The following RAB31 variants were observed in gnomAD, a reference collection of about 807,000 sequenced individuals.
The protein encoded by RAB31 is RAB31, member RAS oncogene family, also known as ras-related protein Rab-31.
Under a neutral mutation model 25.6 loss-of-function variants are expected in RAB31, and 21 were observed. The observed-to-expected ratio is 0.82, with a 90% CI of 0.58 to 1.18. RAB31 has a LOEUF of 1.18. Among genes scored for constraint, RAB31 ranks in the 50% most tolerant of loss-of-function variants. The pLI, the probability that RAB31 is intolerant of heterozygous loss-of-function variation, is 0.00. For missense variants in RAB31, 196 were observed against 250.1 expected, an observed-to-expected ratio of 0.78 and a Z score of 1.46; for synonymous variants, 87 against 84.0, an observed-to-expected ratio of 1.04 and a Z score of -0.20.
rs377190443 is a variant in RAB31 at position 9,724,174 on chromosome 18, G to A, written c.39+15730G>A. Among the ~76,000 whole-genome samples, 36 of 145,238 alleles carry A rather than the reference G, an allele frequency of 2.5e-4. No individual in the cohort carries two copies. In the South Asian group the frequency reaches 7.6e-3, roughly 31 times the overall value. On this transcript the variant is annotated intron_variant, in intron 1 of 6. Transcript: ENST00000578921. The stretch of plus-strand genomic sequence containing the variant: ...TAGTCCCAGCTACTTGGGAGGCTGA[G>A]GCAGGAGAATGGCGTGAACCCGGGA...
intron 3 of RAB31, among the ~76,000 whole-genome samples, chr18:9,813,791 G>T (rs1437041239): frequency 6.6e-6 from 1 of 152,118 alleles, no homozygotes; most frequent in Non-Finnish European, 1.5e-5. Context: ...GGTGGAGGTT[G>T]CAGTGAGCCA....
At chr18:9,776,074 G>A (rs1463158686) in intron 2 of RAB31, among the ~76,000 whole-genome samples, 2 of 152,172 alleles carry the variant, frequency 1.3e-5, no homozygotes, top group Non-Finnish European at 2.9e-5. Context: ...ACAGGCATGG[G>A]TCACTGCGCC....
At position 9,775,276 on chromosome 18, in the gene RAB31, A is replaced by G. The variant is rs747466978; in HGVS notation, c.40-2A>G. On this transcript the variant is annotated splice_acceptor_variant, in intron 1 of 6. Transcript: ENST00000578921. LOFTEE classifies it high-confidence loss of function. ...CACGGTTGTATCCTCATTCTTTCCT[A>G]GGACACTGGGGTTGGGAAATCAAGC... 4 of 1,613,726 alleles carry G rather than the reference A, an allele frequency of 2.5e-6. No individual in the cohort carries two copies. The highest frequency in any genetic ancestry group is 3.4e-6 in the Non-Finnish European group (4 of 1,179,774).
At position 9,708,724 on chromosome 18, in the gene RAB31, C is replaced by T. The variant is rs1432687952; in HGVS notation, c.39+280C>T. ...CCTCTGGTCCGCCCCCGCTCTCACC[C>T]TGCCGGGGTCCGGGTCCGAGCCTGC... On this transcript the variant is annotated intron_variant, in intron 1 of 6. Transcript: ENST00000578921. This position sits in a 1 kb window ranked among gnomAD's most constrained non-coding sequence, Gnocchi z 6.4. 1.3e-5 allele frequency among the ~76,000 whole-genome samples: 2 copies of T among 152,052 alleles called. No individual in the cohort carries two copies. Among genetic ancestry groups the T allele is most frequent in the African/African-American group, 4.8e-5 (2 of 41,390 alleles).
At position 9,825,452 on chromosome 18, in the gene RAB31, A is replaced by AC. The variant is rs553938627; in HGVS notation, c.380+10232dup. Among the ~76,000 whole-genome samples, 22 of 152,250 alleles carry AC rather than the reference A, an allele frequency of 1.4e-4. No homozygotes were observed. The South Asian group carries it at 4.6e-3, about 32-fold the overall frequency. ...AAGAAAAAAAGAGAAATAGGTTGTA[A>AC]CCTTGCCTCAGTGGTTTTAAAAGTT... is the stretch of plus-strand genomic sequence containing the variant. On this transcript the variant is annotated intron_variant, in intron 5 of 6. Coordinates refer to ENST00000578921, the MANE Select transcript of RAB31 (RefSeq NM_006868.4).
chr18:9,832,277 C>A (rs2068682617), intron 5 of RAB31, among the ~76,000 whole-genome samples: 1 of 152,202 alleles, frequency 6.6e-6, no homozygotes, highest in Non-Finnish European at 1.5e-5. Context: ...TTGCTCCAAA[C>A]CCTCTGCTCA....
intron 6 of RAB31, among the ~76,000 whole-genome samples, chr18:9,858,604 A>T (rs1416306299): frequency 6.6e-6 from 1 of 152,192 alleles, no homozygotes; most frequent in African/African-American, 2.4e-5. Flanking sequence ...GATAATTTTT[A>T]AAATTAAGTT....
Position 9,708,431 on chromosome 18 carries a change from T to C in RAB31, c.26T>C (p.Val9Ala). 1 of 1,570,220 alleles carries C rather than the reference T, an allele frequency of 6.4e-7. No homozygotes were observed. The highest frequency in any genetic ancestry group is 8.6e-7 in the Non-Finnish European group (1 of 1,159,828). The change falls in exon 1 of 7, where the codon GTG becomes GCG. Residue 9 changes from valine (V) to alanine (A), a missense_variant. Val to Ala is a moderately conservative substitution (Grantham distance 64). Coordinates refer to ENST00000578921, the MANE Select transcript of RAB31 (RefSeq NM_006868.4). This position sits in a 1 kb window ranked among gnomAD's most constrained non-coding sequence, Gnocchi z 6.4. MMAIRELK[V>A]CLLGDTGVGK... is the part of the protein sequence containing the mutation. ...ATGATGGCGATACGGGAGCTCAAAGTGTGCCTTCTCGGGGTGAGTCCTGGC... is the reference window on the plus strand; with the variant it reads ...ATGATGGCGATACGGGAGCTCAAAGCGTGCCTTCTCGGGGTGAGTCCTGGC...
intron 6 of RAB31, among the ~76,000 whole-genome samples, chr18:9,853,668 A>T (rs1358997652): frequency 6.6e-6 from 1 of 152,228 alleles, no homozygotes; most frequent in Non-Finnish European, 1.5e-5. Context: ...CCCTCCTGTG[A>T]ACTATAGACT....
chr18:9,815,106 G>C lies in RAB31; in HGVS notation c.274-10G>C, dbSNP rs1212686105. The C allele has an allele frequency of 2.0e-6, 3 of 1,508,106 alleles. No homozygotes were observed. Among genetic ancestry groups the C allele is most frequent in the Admixed American group, 2.0e-5 (1 of 50,962 alleles). 93.4% of individuals were successfully genotyped at this position (1,508,106 alleles called of 1,614,324 possible). A position where few individuals can be genotyped will look rare whatever the true frequency, so the allele number is the denominator to read the frequency against. On this transcript the variant is annotated splice_polypyrimidine_tract_variant and intron_variant, in intron 4 of 6. Coordinates refer to ENST00000578921, the MANE Select transcript of RAB31 (RefSeq NM_006868.4). Reference sequence around the variant, plus strand: ...GTCTTTCTAATGATTTGTGTACACTGTTGGTTTAGGATTCATTTTATACCT... The same window carrying C: ...GTCTTTCTAATGATTTGTGTACACTCTTGGTTTAGGATTCATTTTATACCT...
At chr18:9,746,048 G>A (rs4798844) in intron 1 of RAB31, among the ~76,000 whole-genome samples, 144,700 of 152,334 alleles carry the variant, frequency 0.95, 68,801 homozygotes, top group African/African-American at 0.98. Context: ...AACAACTACT[G>A]GAACTAATAC....
intron 1 of RAB31, among the ~76,000 whole-genome samples, chr18:9,763,728 A>C (rs921299900): frequency 1.3e-4 from 20 of 152,100 alleles, no homozygotes; most frequent in Admixed American, 1.1e-3. Context: ...AATAGCTGAT[A>C]CTTTTCCATA....
chr18:9,721,487 A>T (rs542345623), intron 1 of RAB31, among the ~76,000 whole-genome samples: 1 of 152,058 alleles, frequency 6.6e-6, no homozygotes, highest in Non-Finnish European at 1.5e-5. Context: ...GTGGTGGTGC[A>T]TGCCTGTAAT....
At chr18:9,840,459 T>C (rs1198065804) in intron 5 of RAB31, among the ~76,000 whole-genome samples, 1 of 152,204 alleles carries the variant, frequency 6.6e-6, no homozygotes, top group Non-Finnish European at 1.5e-5. Flanking sequence ...GCAGCCTTTC[T>C]GCATCATGGG....
rs2068847362 is a variant in RAB31, at chr18:9,861,495, T to C, written c.*2170T>C. ...CACTCAGAGTAGTCAGTGAAGAGAG[T>C]AGATCACACTTGGGCACACCAGGAT... On this transcript the variant is annotated 3_prime_UTR_variant, in exon 7 of 7. Transcript: ENST00000578921. 6.6e-6 allele frequency: 1 copy of C among 152,116 alleles called. No individual in the cohort carries two copies. The highest frequency in any genetic ancestry group is 1.5e-5 in the Non-Finnish European group (1 of 68,042). 9.4% of individuals were successfully genotyped at this position (152,116 alleles called of 1,614,324 possible).
intron 2 of RAB31, chr18:9,787,668 T>G (rs1323634960): frequency 1.3e-5 from 2 of 154,528 alleles, no homozygotes; most frequent in African/African-American, 4.8e-5. Context: ...AATTCGTTCT[T>G]GGGAGAATCC....
At chr18:9,810,816 C>T (rs555738117) in intron 3 of RAB31, among the ~76,000 whole-genome samples, 2 of 152,196 alleles carry the variant, frequency 1.3e-5, no homozygotes, top group East Asian at 3.9e-4. Context: ...GTATTGACTG[C>T]TACTTTGTGC....
At chr18:9,838,781 A>G (rs2068717738) in intron 5 of RAB31, among the ~76,000 whole-genome samples, 1 of 152,206 alleles carries the variant, frequency 6.6e-6, no homozygotes, top group Admixed American at 6.5e-5. Context: ...GGTTAACATC[A>G]GAGCCTGGGA....
At chr18:9,751,093 G>A (rs1471398487) in intron 1 of RAB31, among the ~76,000 whole-genome samples, 4 of 152,006 alleles carry the variant, frequency 2.6e-5, no homozygotes, top group South Asian at 2.1e-4. Context: ...GGAGTGCAGC[G>A]GTGTGATCAT....
Sources: gnomAD v4.1 joint callset for allele counts (sites outside exome capture counted in the v4.1 genomes callset) on GRCh38, gnomAD v4.1.1 for gene constraint, Gnocchi (gnomAD v3.1) non-coding constraint, MANE v1.5 for transcripts, NCBI Gene and HGNC (gene_info 2026-07-23, HGNC 2026-07-21) for gene names.